KIF1B: variants seen among roughly 807,000 people sequenced by gnomAD.
KIF1B encodes the protein kinesin family member 1B, also known as kinesin-like protein KIF1B.
In KIF1B, 76 loss-of-function variants were observed where a neutral mutation model predicts 241.9. The ratio of observed to expected loss-of-function variants is 0.31; its 90% confidence interval spans 0.26 to 0.38. The LOEUF is 0.38. Among genes scored for constraint, KIF1B ranks in the 10% least tolerant of loss-of-function variants. The pLI, the probability that KIF1B is intolerant of heterozygous loss-of-function variation, is 1.00. For missense variants in KIF1B, 1,622 were observed against 2,271.4 expected, an observed-to-expected ratio of 0.71 and a Z score of 5.81; for synonymous variants, 750 against 796.7, an observed-to-expected ratio of 0.94 and a Z score of 0.99.
rs770501449 is a variant in KIF1B, at chr1:10,337,056, C to T, written c.3130-18C>T. Reference sequence around the variant, plus strand: ...TTTATACTACTTTACCATGTATCTGCCCCTGCCTTTTTTTCAGAGTGACTT... The same window carrying T: ...TTTATACTACTTTACCATGTATCTGTCCCTGCCTTTTTTTCAGAGTGACTT... On this transcript the variant is annotated intron_variant, in intron 29 of 48. Coordinates refer to ENST00000676179, the MANE Select transcript of KIF1B (RefSeq NM_001365951.3). This position sits in a 1 kb window ranked among gnomAD's most constrained non-coding sequence, Gnocchi z 4.0. 6 of 1,614,096 alleles carry T rather than the reference C, an allele frequency of 3.7e-6. No homozygotes were observed. Among genetic ancestry groups the T allele is most frequent in the Non-Finnish European group, 5.1e-6 (6 of 1,180,002 alleles).
rs569973655 is a variant in KIF1B, at chr1:10,214,509, C to T, written c.-80+3631C>T. Among the ~76,000 whole-genome samples, 31 of 150,682 alleles carry T rather than the reference C, an allele frequency of 2.1e-4. No individual in the cohort carries two copies. In the East Asian group the frequency reaches 5.5e-3, roughly 27 times the overall value. On this transcript the variant is annotated intron_variant, in intron 1 of 48. Coordinates refer to ENST00000676179, the MANE Select transcript of KIF1B (RefSeq NM_001365951.3). ...TTCACCATGTTGGCCAGGCAGGTCTCGAACTCCTGACCTTCTGATCCGCCT... is the reference window on the plus strand; with the variant it reads ...TTCACCATGTTGGCCAGGCAGGTCTTGAACTCCTGACCTTCTGATCCGCCT...
chr1:10,334,961 C>T (rs1199782594), intron 28 of KIF1B, among the ~76,000 whole-genome samples: 2 of 148,274 alleles, frequency 1.3e-5, no homozygotes, highest in Non-Finnish European at 3.0e-5. Context: ...TTTTTTGAGA[C>T]AGGGTCTCAC....
Position 10,273,026 on chromosome 1 carries a change from A to G in KIF1B, c.877A>G (p.Ser293Gly), listed in dbSNP as rs765176566. 78 of 1,546,184 alleles carry G rather than the reference A, an allele frequency of 5.0e-5. No individual in the cohort carries two copies. The highest frequency in any genetic ancestry group is 6.5e-5 in the Non-Finnish European group (74 of 1,143,266). ...SALAEVDNCT[S>G]KSKKKKKTDF... ...CTTTCACCTGTAGGATAACTGCACT[A>G]GCAAGGTACAGTGGGGATTGGTAGA... The change falls in exon 10 of 49, where the codon AGC becomes GGC. Residue 293 changes from serine (S) to glycine (G), a missense_variant. By Grantham distance (56) the Ser-to-Gly change is moderately conservative. Around this residue, in one of 7 missense-constraint regions of KIF1B, gnomAD observed 201 missense variants for 301.2 expected, o/e 0.67. Coordinates refer to ENST00000676179, the MANE Select transcript of KIF1B (RefSeq NM_001365951.3).
At chr1:10,319,103 CT>C (rs1267312262) in intron 22 of KIF1B, among the ~76,000 whole-genome samples, 2,637 of 131,820 alleles carry the variant, frequency 0.02, 20 homozygotes, top group Non-Finnish European at 0.029. Context: ...TACAATAATC[CT>C]TTTTTTTTTT....
At chr1:10,305,508 G>A (rs1160568328) in intron 22 of KIF1B, 1 of 1,059,894 alleles carries the variant, frequency 9.4e-7, no homozygotes, top group African/African-American at 1.6e-5. Flanking sequence ...TGGCTTGAGA[G>A]GGAAGAGGTG....
Position 10,313,797 on chromosome 1 carries a change from A to C in KIF1B, c.2116-6246A>C, listed in dbSNP as rs541199549. On this transcript the variant is annotated intron_variant, in intron 22 of 48. Coordinates refer to ENST00000676179, the MANE Select transcript of KIF1B (RefSeq NM_001365951.3). ...GATCTCCTGACCTCGTGATCTGCCCACCTTGGCCTCCCAAAGTGTTGAGAT... is the reference window on the plus strand; with the variant it reads ...GATCTCCTGACCTCGTGATCTGCCCCCCTTGGCCTCCCAAAGTGTTGAGAT... 9.9e-5 allele frequency among the ~76,000 whole-genome samples: 15 copies of C among 151,294 alleles called. 1 individual carries two copies. Among genetic ancestry groups the C allele is most frequent in the Admixed American group, 9.8e-4 (15 of 15,234 alleles).
chr1:10,304,277 T>C lies in KIF1B; in HGVS notation c.2115+7031T>C, dbSNP rs149267056. 7,211 of 1,614,098 alleles carry C rather than the reference T, an allele frequency of 4.5e-3. 27 individuals carry two copies. The highest frequency in any genetic ancestry group is 5.4e-3 in the Non-Finnish European group (6,333 of 1,180,008). ...CAAGGAATGAGAAGTCAAGATCACA[T>C]CCAAGTTAGCAAGCAGCACATTAAT... On this transcript the variant is annotated intron_variant, in intron 22 of 48. Transcript: ENST00000676179.
At chr1:10,319,202 A>G (rs1366576773) in intron 22 of KIF1B, among the ~76,000 whole-genome samples, 1 of 151,624 alleles carries the variant, frequency 6.6e-6, no homozygotes, top group Non-Finnish European at 1.5e-5. Context: ...CCCGGGTTCA[A>G]GTGATTCTCC....
chr1:10,217,814 G>A (rs1431760818), intron 1 of KIF1B, among the ~76,000 whole-genome samples: 1 of 151,836 alleles, frequency 6.6e-6, no homozygotes, highest in African/African-American at 2.4e-5. Flanking sequence ...CCGTGATGCT[G>A]ATTACATTCT....
At chr1:10,287,449 G>A (rs75920095) in intron 15 of KIF1B, among the ~76,000 whole-genome samples, 206 of 152,208 alleles carry the variant, frequency 1.4e-3, no homozygotes, top group Non-Finnish European at 1.7e-3. Context: ...TTCTTATCTC[G>A]TGAATGGTTC....
chr1:10,299,405 T>C (rs1008036584), intron 22 of KIF1B, among the ~76,000 whole-genome samples: 13 of 152,188 alleles, frequency 8.5e-5, no homozygotes, highest in Non-Finnish European at 1.8e-4. Context: ...TGTTCCACTT[T>C]CATTTCTTGA....
intron 34 of KIF1B, among the ~76,000 whole-genome samples, chr1:10,344,160 A>G (rs927360137): frequency 6.6e-6 from 1 of 152,036 alleles, no homozygotes; most frequent in Non-Finnish European, 1.5e-5. Context: ...TGTTGGACAC[A>G]TTTTCTGAGC....
At chr1:10,352,345 G>C (rs1284921147) in intron 37 of KIF1B, among the ~76,000 whole-genome samples, 1 of 152,234 alleles carries the variant, frequency 6.6e-6, no homozygotes, top group Non-Finnish European at 1.5e-5. Context: ...GCTGTTGCAG[G>C]TTCCAGACCA....
intron 40 of KIF1B, 110 bp downstream of exon 40, chr1:10,361,935 A>G: frequency 3.7e-6 from 5 of 1,337,366 alleles, no homozygotes; most frequent in Non-Finnish European, 5.3e-6. Context: ...CAGTTTATGA[A>G]CCATTTTGGT....
intron 15 of KIF1B, among the ~76,000 whole-genome samples, chr1:10,284,219 A>G (rs1649576047): frequency 6.6e-6 from 1 of 152,126 alleles, no homozygotes; most frequent in African/African-American, 2.4e-5. Context: ...AGCCTGAGTG[A>G]CAGAGCAAGA....
intron 1 of KIF1B, among the ~76,000 whole-genome samples, chr1:10,212,856 G>GTA (rs138390670): frequency 0.25 from 34,462 of 139,370 alleles, 4,570 homozygotes; most frequent in Admixed American, 0.31. Context: ...AAAAAAATGT[G>GTA]TATATATATA....
chr1:10,256,134 G>A, intron 2 of KIF1B, 113 bp from the exon 3 acceptor site: 1 of 746,434 alleles, frequency 1.3e-6, no homozygotes, highest in Non-Finnish European at 2.4e-6. Flanking sequence ...GCCCTATTCA[G>A]ATTTAGTGGT....
At position 10,337,654 on chromosome 1, in the gene KIF1B, C is replaced by A; in HGVS notation, c.3422+121C>A. ...ACTCTTGAGACAAAGACTGATCAGTCTCTGAAGGAAAATACTTTCATCACT... is the reference window on the plus strand; with the variant it reads ...ACTCTTGAGACAAAGACTGATCAGTATCTGAAGGAAAATACTTTCATCACT... On this transcript the variant is annotated intron_variant, in intron 31 of 48. Coordinates refer to ENST00000676179, the MANE Select transcript of KIF1B (RefSeq NM_001365951.3). The surrounding 1 kb of genome is among the most constrained non-coding windows in gnomAD (Gnocchi z 4.0). The A allele has an allele frequency of 8.9e-7, 1 of 1,121,928 alleles. No homozygotes were observed. The highest frequency in any genetic ancestry group is 1.3e-6 in the Non-Finnish European group (1 of 760,732). The allele number at this position is 1,121,928 out of a possible 1,614,324, so 69.5% of individuals were successfully genotyped here.
intron 38 of KIF1B, among the ~76,000 whole-genome samples, chr1:10,357,873 G>T (rs1485678581): frequency 1.3e-5 from 2 of 151,938 alleles, no homozygotes; most frequent in Non-Finnish European, 2.9e-5. Flanking sequence ...GCCAGACTTG[G>T]TGGTGGGCGC....
Sources: gnomAD v4.1 joint callset for allele counts (sites outside exome capture counted in the v4.1 genomes callset) on GRCh38, gnomAD v4.1.1 for gene constraint, gnomAD v4.1.1 regional missense constraint, Gnocchi (gnomAD v3.1) non-coding constraint, MANE v1.5 for transcripts, NCBI Gene and HGNC (gene_info 2026-07-23, HGNC 2026-07-21) for gene names.